The following FAM168B variants were observed in gnomAD, a reference collection of about 807,000 sequenced individuals.
FAM168B encodes the protein family with sequence similarity 168 member B, also known as myelin-associated neurite-outgrowth inhibitor.
A neutral mutation model predicts 21.8 loss-of-function variants in FAM168B; 19 were observed. That is an observed-to-expected ratio of 0.87 (90% CI 0.61 to 1.28). The LOEUF (loss-of-function observed/expected upper bound fraction) is 1.28, where lower values mean the gene tolerates loss of function less well. Ranked by LOEUF, FAM168B falls within the 50% of genes most tolerant of loss-of-function variation. The pLI is 0.00. For missense variants in FAM168B, 233 were observed against 263.1 expected, an observed-to-expected ratio of 0.89 and a Z score of 0.79; for synonymous variants, 126 against 104.8, an observed-to-expected ratio of 1.20 and a Z score of -1.24.
At chr2:131,085,760 C>T (rs1693663825) in intron 1 of FAM168B, among the ~76,000 whole-genome samples, 1 of 152,162 alleles carries the variant, frequency 6.6e-6, no homozygotes, top group African/African-American at 2.4e-5. Context: ...ATTTGTCATG[C>T]CATTCACAAC....
chr2:131,084,889 A>G (rs1693604009), intron 1 of FAM168B, among the ~76,000 whole-genome samples: 1 of 152,110 alleles, frequency 6.6e-6, no homozygotes, highest in Admixed American at 6.6e-5. Flanking sequence ...CGTCTGGCTC[A>G]TTTTTAGTAG....
chr2:131,083,957 G>A (rs1693551319), intron 1 of FAM168B, among the ~76,000 whole-genome samples: 1 of 151,924 alleles, frequency 6.6e-6, no homozygotes, highest in African/African-American at 2.4e-5. Flanking sequence ...AGGCTGGAGT[G>A]CAGTGGCATG....
chr2:131,052,484 C>A (rs2105450665), intron 6 of FAM168B, 32 bp from the exon 7 acceptor site: 8 of 1,008,924 alleles, frequency 7.9e-6, no homozygotes, highest in Non-Finnish European at 9.5e-6. Flanking sequence ...CTCAGTCACA[C>A]AGAGCTCTTC....
chr2:131,091,070 AC>A (rs879682716), intron 1 of FAM168B, among the ~76,000 whole-genome samples: 15 of 152,224 alleles, frequency 9.9e-5, no homozygotes, highest in African/African-American at 2.7e-4. Flanking sequence ...ACGGTGGCTC[AC>A]GCCTGTAATC....
intron 5 of FAM168B, among the ~76,000 whole-genome samples, chr2:131,053,741 G>T (rs910861222): frequency 3.9e-5 from 6 of 152,052 alleles, no homozygotes; most frequent in African/African-American, 1.5e-4. Flanking sequence ...GCCAGGTGTG[G>T]TAGCATACTT....
At chr2:131,063,758 G>A (rs754353463) in intron 3 of FAM168B, among the ~76,000 whole-genome samples, 3 of 152,066 alleles carry the variant, frequency 2.0e-5, no homozygotes, top group Non-Finnish European at 2.9e-5. Flanking sequence ...CAGCCTGGGC[G>A]ACTGAGCAAG....
At chr2:131,083,637 C>T (rs1019453628) in intron 1 of FAM168B, among the ~76,000 whole-genome samples, 10 of 152,176 alleles carry the variant, frequency 6.6e-5, no homozygotes, top group African/African-American at 1.4e-4. Context: ...TGAAATATCA[C>T]GCAGCTGCTT....
chr2:131,067,285 C>T lies in FAM168B; in HGVS notation c.154+4570G>A, dbSNP rs112277782. On this transcript the variant is annotated intron_variant, in intron 3 of 6. Transcript: ENST00000389915. ...AAAAACAGAATTCTTCAGCAAAAGA[C>T]ATCTCATCACAAGGGTCTCGGAATC... 7.8e-3 allele frequency among the ~76,000 whole-genome samples: 1,193 copies of T among 152,260 alleles called. 17 individuals are homozygous for T. Among genetic ancestry groups the T allele is most frequent in the African/African-American group, 0.028 (1,149 of 41,544 alleles).
rs931640108 is a variant in FAM168B at position 131,050,591 on chromosome 2, G to C, written c.*1874C>G. 1.0e-6 allele frequency: 1 copy of C among 985,594 alleles called. No individual in the cohort carries two copies. The highest frequency in any genetic ancestry group is 1.2e-6 in the Non-Finnish European group (1 of 829,762). 61.1% of individuals were successfully genotyped at this position (985,594 alleles called of 1,614,324 possible). ...TATGTTAATAGACATCAGGAATAAA[G>C]AATCTGCTGTTTACAATGATCCATG... is the stretch of plus-strand genomic sequence containing the variant. On this transcript the variant is annotated 3_prime_UTR_variant, in exon 7 of 7. Transcript: ENST00000389915.
chr2:131,087,815 A>G (rs1300284489), intron 1 of FAM168B, among the ~76,000 whole-genome samples: 2 of 152,216 alleles, frequency 1.3e-5, no homozygotes, highest in Non-Finnish European at 2.9e-5. Context: ...CACATGCTAC[A>G]CCTACAGTTG....
At chr2:131,056,313 AG>A (rs1042542519) in intron 3 of FAM168B, among the ~76,000 whole-genome samples, 7 of 152,194 alleles carry the variant, frequency 4.6e-5, no homozygotes, top group Admixed American at 6.5e-5. Context: ...GCAGATTAAG[AG>A]AAAAAAGACA....
At position 131,049,714 on chromosome 2, in the gene FAM168B, A is replaced by G. The variant is rs1005889278; in HGVS notation, c.*2751T>C. On this transcript the variant is annotated 3_prime_UTR_variant, in exon 7 of 7. Coordinates refer to ENST00000389915, the MANE Select transcript of FAM168B (RefSeq NM_001009993.4). ...GGTCCTTTGCTTACCTGCTGTCTCAACTTCTAAAAGAATAGTAATTCAGCT... is the reference window on the plus strand; with the variant it reads ...GGTCCTTTGCTTACCTGCTGTCTCAGCTTCTAAAAGAATAGTAATTCAGCT... 3 of 985,752 alleles carry G rather than the reference A, an allele frequency of 3.0e-6. No homozygotes were observed. In the Admixed American group the frequency reaches 1.8e-4, roughly 61 times the overall value. 61.1% of individuals were successfully genotyped at this position (985,752 alleles called of 1,614,324 possible). A position where few individuals can be genotyped will look rare whatever the true frequency, so the allele number is the denominator to read the frequency against.
At chr2:131,078,966 G>C (rs1298639115) in intron 2 of FAM168B, among the ~76,000 whole-genome samples, 2 of 147,784 alleles carry the variant, frequency 1.4e-5, no homozygotes, top group African/African-American at 5.0e-5. Flanking sequence ...GGGCCTGAAT[G>C]ACAGAGCAAG....
At chr2:131,082,068 G>A in intron 2 of FAM168B, among the ~76,000 whole-genome samples, 1 of 152,134 alleles carries the variant, frequency 6.6e-6, no homozygotes, top group Non-Finnish European at 1.5e-5. Context: ...ACCCTCACTT[G>A]CAGTCCATAT....
At chr2:131,062,914 A>T (rs1692375879) in intron 3 of FAM168B, among the ~76,000 whole-genome samples, 1 of 152,250 alleles carries the variant, frequency 6.6e-6, no homozygotes, top group Non-Finnish European at 1.5e-5. Flanking sequence ...ACCAAAAAGG[A>T]ACTAAACAAA....
rs755030070 is a variant in FAM168B, at chr2:131,082,606, T to G, written c.41A>C (p.Tyr14Ser). ...ATAACCAATTCCTTTGGCATTTGCA[T>G]AGGGAACCCCAGAAGATCCAGGACT... ...VYSPGSSGVPYANAKGIGYPA... is the reference protein window; with the variant it reads ...VYSPGSSGVPSANAKGIGYPA... Residue 14 changes from tyrosine (Y) to serine (S), a missense_variant, in exon 2 of 7, where the codon TAT becomes TCT. By Grantham distance (144) the Tyr-to-Ser change is moderately radical. Transcript: ENST00000389915. 6.2e-7 allele frequency: 1 copy of G among 1,610,078 alleles called. No homozygotes were observed. Among genetic ancestry groups the G allele is most frequent in the Non-Finnish European group, 8.5e-7 (1 of 1,178,580 alleles).
chr2:131,090,587 T>C (rs938177524), intron 1 of FAM168B, among the ~76,000 whole-genome samples: 2 of 152,092 alleles, frequency 1.3e-5, no homozygotes, highest in Non-Finnish European at 2.9e-5. Context: ...CAAGAGCTTG[T>C]AGACTTGGTG....
In FAM168B at chr2:131,050,848, C is replaced by G; in HGVS notation, c.*1617G>C. The G allele has an allele frequency of 1.0e-6, 1 of 985,404 alleles. No homozygotes were observed. The highest frequency in any genetic ancestry group is 1.2e-6 in the Non-Finnish European group (1 of 829,992). The allele number at this position is 985,404 out of a possible 1,614,324, so 61.0% of individuals were successfully genotyped here. ...CCACCAGAGCCCACAGCACTCAAAC[C>G]ACCACTGCACTGGGAAGAAGACGCA... On this transcript the variant is annotated 3_prime_UTR_variant, in exon 7 of 7. Transcript: ENST00000389915.
At chr2:131,083,748 C>T (rs1693537375) in intron 1 of FAM168B, among the ~76,000 whole-genome samples, 2 of 152,136 alleles carry the variant, frequency 1.3e-5, no homozygotes, top group South Asian at 4.2e-4. Flanking sequence ...CATATAAACA[C>T]CTATGTGTAT....
Sources: allele counts gnomAD v4.1 joint callset (sites outside exome capture counted in the v4.1 genomes callset), GRCh38; gene constraint gnomAD v4.1.1; transcripts MANE v1.5; gene names NCBI Gene and HGNC (gene_info 2026-07-23, HGNC 2026-07-21).